The following PCCA variants were observed in gnomAD, a reference collection of about 807,000 sequenced individuals.
PCCA encodes the protein propionyl-CoA carboxylase alpha chain, mitochondrial.
In PCCA, 74 loss-of-function variants were observed where a neutral mutation model predicts 101.3. The ratio of observed to expected loss-of-function variants is 0.73; its 90% confidence interval spans 0.61 to 0.89. The LOEUF (loss-of-function observed/expected upper bound fraction) is 0.89, where lower values mean the gene tolerates loss of function less well. Among genes scored for constraint, PCCA ranks in the 40% least tolerant of loss-of-function variants. The pLI, the probability that PCCA is intolerant of heterozygous loss-of-function variation, is 0.00. For missense variants in PCCA, 891 were observed against 907.0 expected, an observed-to-expected ratio of 0.98 and a Z score of 0.23; for synonymous variants, 294 against 313.6, an observed-to-expected ratio of 0.94 and a Z score of 0.66.
At chr13:100,096,511 T>C (rs973540502) in intron 1 of PCCA, among the ~76,000 whole-genome samples, 2 of 152,162 alleles carry the variant, frequency 1.3e-5, no homozygotes, top group Non-Finnish European at 2.9e-5. Flanking sequence ...CTAAGCGTTC[T>C]AGTGAAAGGA....
intron 21 of PCCA, among the ~76,000 whole-genome samples, chr13:100,512,309 T>A (rs1295020529): frequency 6.6e-6 from 1 of 152,250 alleles, no homozygotes; most frequent in East Asian, 1.9e-4. Flanking sequence ...GTAGAGGCCA[T>A]AAAATTAATT....
Position 100,488,254 on chromosome 13 carries a change from C to T in PCCA, c.1900-27173C>T, listed in dbSNP as rs979713770. ...GATTACAGGCATGCGCCACCATGCA[C>T]GGCTAATTTTGCATTTTTAGTAGAG... On this transcript the variant is annotated intron_variant, in intron 21 of 23. Transcript: ENST00000376285. Among the ~76,000 whole-genome samples, 10 of 152,152 alleles carry T rather than the reference C, an allele frequency of 6.6e-5. No individual in the cohort carries two copies. The East Asian group carries it at 1.7e-3, about 27-fold the overall frequency.
intron 11 of PCCA, among the ~76,000 whole-genome samples, chr13:100,272,312 G>C (rs1485797063): frequency 6.6e-6 from 1 of 152,136 alleles, no homozygotes; most frequent in African/African-American, 2.4e-5. Flanking sequence ...GTTCCTGCGA[G>C]CCTTTGCTTA....
intron 21 of PCCA, among the ~76,000 whole-genome samples, chr13:100,484,462 C>T (rs1296083063): frequency 6.6e-6 from 1 of 152,180 alleles, no homozygotes; most frequent in Non-Finnish European, 1.5e-5. Flanking sequence ...GACTGCACCT[C>T]AAGTTTTTGA....
intron 18 of PCCA, among the ~76,000 whole-genome samples, chr13:100,347,635 A>G (rs1277078067): frequency 2.0e-5 from 3 of 152,200 alleles, no homozygotes; most frequent in Non-Finnish European, 4.4e-5. Context: ...AGTCTTTGCT[A>G]ATTTCTAGCT....
At chr13:100,440,186 AT>A (rs2080253813) in intron 20 of PCCA, among the ~76,000 whole-genome samples, 16 of 121,146 alleles carry the variant, frequency 1.3e-4, no homozygotes, top group South Asian at 2.9e-4. Flanking sequence ...ATATATATAT[AT>A]ATATATATAT....
chr13:100,494,471 G>T (rs1000275899), intron 21 of PCCA, among the ~76,000 whole-genome samples: 2 of 151,906 alleles, frequency 1.3e-5, no homozygotes, highest in African/African-American at 4.8e-5. Flanking sequence ...ATCACCTGAG[G>T]TCGGGAGTTT....
intron 19 of PCCA, among the ~76,000 whole-genome samples, chr13:100,417,863 G>T (rs2078481017): frequency 6.6e-6 from 1 of 152,078 alleles, no homozygotes; most frequent in African/African-American, 2.4e-5. Context: ...CAGGAGGTGG[G>T]ATTACTTTCC....
intron 19 of PCCA, among the ~76,000 whole-genome samples, chr13:100,398,778 T>G (rs1342576520): frequency 6.6e-6 from 1 of 152,188 alleles, no homozygotes; most frequent in Non-Finnish European, 1.5e-5. Flanking sequence ...CATGCAATTT[T>G]TATTTCTCTT....
intron 21 of PCCA, among the ~76,000 whole-genome samples, chr13:100,499,128 G>A (rs757649633): frequency 6.6e-6 from 1 of 152,148 alleles, no homozygotes; most frequent in African/African-American, 2.4e-5. Flanking sequence ...GTCAACACAC[G>A]GAACACAAGG....
At chr13:100,487,943 T>A (rs1467851953) in intron 21 of PCCA, among the ~76,000 whole-genome samples, 7 of 152,202 alleles carry the variant, frequency 4.6e-5, no homozygotes, top group Admixed American at 3.9e-4. Flanking sequence ...TTGCCTGGGC[T>A]GGTGTTGAAC....
At chr13:100,334,618 A>AT (rs375549125) in intron 17 of PCCA, among the ~76,000 whole-genome samples, 233 of 152,310 alleles carry the variant, frequency 1.5e-3, no homozygotes, top group African/African-American at 5.1e-3. Context: ...AAAAACTGTG[A>AT]TTTTTCTAAA....
At chr13:100,358,075 G>A (rs962939455) in intron 18 of PCCA, among the ~76,000 whole-genome samples, 2 of 152,174 alleles carry the variant, frequency 1.3e-5, no homozygotes, top group African/African-American at 4.8e-5. Flanking sequence ...TAAACACCTT[G>A]AGCTTTCCAT....
At chr13:100,169,246 A>T (rs911536066) in intron 6 of PCCA, among the ~76,000 whole-genome samples, 1 of 131,240 alleles carries the variant, frequency 7.6e-6, no homozygotes, top group Admixed American at 7.2e-5. Flanking sequence ...GTTTGAGACC[A>T]ACCTGGCCAA....
chr13:100,204,210 G>A (rs1314119767), intron 6 of PCCA, among the ~76,000 whole-genome samples: 1 of 151,504 alleles, frequency 6.6e-6, no homozygotes, highest in African/African-American at 2.4e-5. Flanking sequence ...GCTCACTGCA[G>A]CCTCTACCCG....
At chr13:100,298,924 A>G (rs1253021395) in intron 12 of PCCA, among the ~76,000 whole-genome samples, 1 of 151,736 alleles carries the variant, frequency 6.6e-6, no homozygotes, top group Non-Finnish European at 1.5e-5. Flanking sequence ...GAAATGCTTC[A>G]TATCCTGTGG....
intron 1 of PCCA, among the ~76,000 whole-genome samples, chr13:100,092,763 A>G (rs2046398811): frequency 6.6e-6 from 1 of 152,180 alleles, no homozygotes; most frequent in South Asian, 2.1e-4. Flanking sequence ...TTTCTTTTGT[A>G]ATCAGTAAAT....
intron 4 of PCCA, among the ~76,000 whole-genome samples, chr13:100,116,548 G>A (rs568857236): frequency 6.6e-6 from 1 of 152,264 alleles, no homozygotes; most frequent in South Asian, 2.1e-4. Flanking sequence ...CTTCAAAATT[G>A]TCTTCAGTAT....
chr13:100,249,123 A>C (rs1193037830), intron 8 of PCCA, among the ~76,000 whole-genome samples: 1 of 152,164 alleles, frequency 6.6e-6, no homozygotes, highest in Non-Finnish European at 1.5e-5. Context: ...TAAATGTGCC[A>C]ATTTTTAATG....
Sources: allele counts gnomAD v4.1 joint callset (sites outside exome capture counted in the v4.1 genomes callset), GRCh38; gene constraint gnomAD v4.1.1; transcripts MANE v1.5; gene names NCBI Gene and HGNC (gene_info 2026-07-23, HGNC 2026-07-21).